Variants in TMTC2 observed in about 807,000 individuals in gnomAD.
TMTC2 encodes the protein protein O-mannosyl-transferase TMTC2.
A neutral mutation model predicts 82.4 loss-of-function variants in TMTC2; 43 were observed. That is an observed-to-expected ratio of 0.52 (90% CI 0.41 to 0.67). The LOEUF (loss-of-function observed/expected upper bound fraction) is 0.67, where lower values mean the gene tolerates loss of function less well. TMTC2 is among the 30% of genes least tolerant of loss of function. The pLI, the probability that TMTC2 is intolerant of heterozygous loss-of-function variation, is 0.00. For missense variants in TMTC2, 919 were observed against 1,012.4 expected (o/e 0.91, Z 1.25); for synonymous variants, 408 against 381.9 (o/e 1.07, Z -0.80).
intron 4 of TMTC2, among the ~76,000 whole-genome samples, chr12:82,962,406 C>T (rs1592659823): frequency 6.6e-6 from 1 of 151,984 alleles, no homozygotes; most frequent in East Asian, 1.9e-4. Flanking sequence ...CTGACAGAAG[C>T]ATAAAGATAA....
At chr12:83,079,922 A>G (rs952439261) in intron 11 of TMTC2, among the ~76,000 whole-genome samples, 2 of 152,162 alleles carry the variant, frequency 1.3e-5, no homozygotes, top group Admixed American at 6.5e-5. Context: ...CTTTAGGCTA[A>G]AATTGAGAGA....
At chr12:82,755,900 A>C (rs1565736518) in intron 1 of TMTC2, among the ~76,000 whole-genome samples, 1 of 152,216 alleles carries the variant, frequency 6.6e-6, no homozygotes, top group Non-Finnish European at 1.5e-5. Context: ...TAATAAAAAT[A>C]GAAATTACTA....
intron 2 of TMTC2, among the ~76,000 whole-genome samples, chr12:82,868,382 A>G (rs541301815): frequency 1.3e-5 from 2 of 152,322 alleles, no homozygotes; most frequent in African/African-American, 4.8e-5. Context: ...GCCTTTTTCA[A>G]GGTTAATTCT....
intron 11 of TMTC2, among the ~76,000 whole-genome samples, chr12:83,110,639 C>T (rs998020436): frequency 6.6e-6 from 1 of 152,188 alleles, no homozygotes; most frequent in Non-Finnish European, 1.5e-5. Context: ...CAGAGGATTA[C>T]TCATTCCTCC....
intron 2 of TMTC2, among the ~76,000 whole-genome samples, chr12:82,895,129 A>AT (rs1181249854): frequency 6.6e-6 from 1 of 151,920 alleles, no homozygotes; most frequent in East Asian, 1.9e-4. Flanking sequence ...AAGTAATTTT[A>AT]TTTTTAAAAG....
intron 8 of TMTC2, among the ~76,000 whole-genome samples, chr12:83,008,546 C>T (rs1880306601): frequency 6.6e-6 from 1 of 152,164 alleles, no homozygotes; most frequent in Non-Finnish European, 1.5e-5. Context: ...TTACTTTTTC[C>T]ATTAGAGCAC....
At chr12:82,750,923 TA>T (rs1875964089) in intron 1 of TMTC2, among the ~76,000 whole-genome samples, 1 of 152,156 alleles carries the variant, frequency 6.6e-6, no homozygotes, top group Non-Finnish European at 1.5e-5. Context: ...TAAGAAAAGT[TA>T]AATAACTTGC....
intron 1 of TMTC2, among the ~76,000 whole-genome samples, chr12:82,770,362 A>T (rs1877222604): frequency 6.6e-6 from 1 of 152,176 alleles, no homozygotes; most frequent in African/African-American, 2.4e-5. Flanking sequence ...ATTTTCAAAT[A>T]TGTTTTACTC....
intron 2 of TMTC2, among the ~76,000 whole-genome samples, chr12:82,888,161 A>T (rs1025973186): frequency 2.0e-5 from 3 of 152,242 alleles, no homozygotes; most frequent in African/African-American, 7.2e-5. Context: ...GTGAACAATT[A>T]GGTGAATTAA....
At chr12:82,815,585 TA>T (rs1868662397) in intron 1 of TMTC2, among the ~76,000 whole-genome samples, 1 of 152,104 alleles carries the variant, frequency 6.6e-6, no homozygotes, top group African/African-American at 2.4e-5. Flanking sequence ...GTGCTGGGAT[TA>T]CAGGCGTCCT....
intron 1 of TMTC2, among the ~76,000 whole-genome samples, chr12:82,830,842 A>T (rs1365460016): frequency 6.6e-6 from 1 of 152,220 alleles, no homozygotes; most frequent in East Asian, 1.9e-4. Context: ...AGCTTAAGAT[A>T]TATTTCAGTT....
At chr12:82,748,296 G>A (rs775390547) in intron 1 of TMTC2, among the ~76,000 whole-genome samples, 29 of 152,038 alleles carry the variant, frequency 1.9e-4, no homozygotes, top group Non-Finnish European at 3.8e-4. Context: ...GGGCGACAGA[G>A]TGTGACTGTC....
chr12:82,742,375 C>T (rs558541010), intron 1 of TMTC2, among the ~76,000 whole-genome samples: 7 of 151,314 alleles, frequency 4.6e-5, no homozygotes, highest in South Asian at 2.1e-4. Context: ...AAAAAAATGC[C>T]GTGTTGTCTA....
chr12:83,027,747 T>C (rs751018979), intron 8 of TMTC2, among the ~76,000 whole-genome samples: 4 of 152,190 alleles, frequency 2.6e-5, no homozygotes, highest in Admixed American at 6.6e-5. Flanking sequence ...GTGTTTATTT[T>C]GCATCTAGGA....
At chr12:82,832,533 G>A (rs993192578) in intron 1 of TMTC2, among the ~76,000 whole-genome samples, 90 of 152,104 alleles carry the variant, frequency 5.9e-4, no homozygotes, top group African/African-American at 2.0e-3. Flanking sequence ...TTTGTCCTGT[G>A]TAATAATTTG....
chr12:82,883,055 CAAAAAAAAAAAAAA>C (rs66496024), intron 2 of TMTC2, among the ~76,000 whole-genome samples: 25 of 68,354 alleles, frequency 3.7e-4, no homozygotes, highest in South Asian at 1.6e-3. Flanking sequence ...AACTTGGTCT[CAAAAAAAAAAAAAA>C]AAAAAAAAAA....
chr12:83,098,742 C>A (rs1240287229), intron 11 of TMTC2, among the ~76,000 whole-genome samples: 3 of 152,176 alleles, frequency 2.0e-5, no homozygotes, highest in Non-Finnish European at 4.4e-5. Flanking sequence ...CACTGCAACT[C>A]TCATTACATC....
At chr12:82,957,557 C>CA (rs1207189404) in intron 4 of TMTC2, among the ~76,000 whole-genome samples, 4 of 151,706 alleles carry the variant, frequency 2.6e-5, no homozygotes, top group Non-Finnish European at 4.4e-5. Context: ...TTTGAGACCC[C>CA]AAAATCTAAA....
intron 2 of TMTC2, among the ~76,000 whole-genome samples, chr12:82,866,256 A>AC (rs1565784248): frequency 2.0e-5 from 3 of 151,828 alleles, no homozygotes; most frequent in East Asian, 1.9e-4. Context: ...AAAAAAAAAA[A>AC]AAAAAAACAA....
Sources: gnomAD v4.1 joint callset for allele counts (sites outside exome capture counted in the v4.1 genomes callset) on GRCh38, gnomAD v4.1.1 for gene constraint, MANE v1.5 for transcripts, NCBI Gene and HGNC (gene_info 2026-07-23, HGNC 2026-07-21) for gene names.